The following PCDHA1 variants were observed in gnomAD, a reference collection of about 807,000 sequenced individuals.
PCDHA1 encodes protocadherin alpha-1.
Under a neutral mutation model 61.3 loss-of-function variants are expected in PCDHA1, and 42 were observed. That is an observed-to-expected ratio of 0.69 (90% CI 0.54 to 0.89). The LOEUF is 0.89. Ranked by LOEUF, PCDHA1 falls within the 40% of genes least tolerant of loss-of-function variation. PCDHA1 has a pLI of 0.00. For missense variants in PCDHA1, 1,256 were observed against 1,235.3 expected (o/e 1.02, Z -0.25); for synonymous variants, 610 against 553.8 (o/e 1.10, Z -1.43).
At chr5:140,810,154 T>C (rs1764605759) in intron 1 of PCDHA1, 1 of 152,414 alleles carries the variant, frequency 6.6e-6, no homozygotes, top group South Asian at 2.1e-4. Flanking sequence ...TATGAAATTA[T>C]CCATGTTGTT....
At chr5:140,875,684 A>T (rs1236163720) in intron 1 of PCDHA1, 1 of 1,613,854 alleles carries the variant, frequency 6.2e-7, no homozygotes, top group Non-Finnish European at 8.5e-7. Flanking sequence ...TCCAAAAGAC[A>T]CGGGGACCTT....
In PCDHA1 at chr5:140,957,392, T is replaced by A. The variant is rs1035836709; in HGVS notation, c.2395-21557T>A. Among the ~76,000 whole-genome samples the A allele has an allele frequency of 2.6e-5, 4 of 152,222 alleles. No individual in the cohort carries two copies. In the East Asian group the frequency reaches 5.8e-4, roughly 22 times the overall value. ...TTATTATAGTGTATTGTTATAATTG[T>A]CCTAATTTATTATTATTGTTGTTAA... is the stretch of plus-strand genomic sequence containing the variant. On this transcript the variant is annotated intron_variant, in intron 1 of 3. Coordinates refer to ENST00000504120, the MANE Select transcript of PCDHA1 (RefSeq NM_018900.4).
intron 1 of PCDHA1, among the ~76,000 whole-genome samples, chr5:140,915,885 G>A (rs1487160672): frequency 6.6e-6 from 1 of 152,204 alleles, no homozygotes; most frequent in Admixed American, 6.5e-5. Context: ...AGGGTAGCAA[G>A]TTCCCCCTGG....
intron 1 of PCDHA1, chr5:140,967,579 C>T: frequency 7.4e-6 from 12 of 1,614,154 alleles, no homozygotes; most frequent in Non-Finnish European, 9.3e-6. Context: ...AGGACTCACC[C>T]CCAGGCACAT....
At position 140,808,742 on chromosome 5, in the gene PCDHA1, G is replaced by A. The variant is rs782024587; in HGVS notation, c.2394+20058G>A. 3.7e-6 allele frequency: 6 copies of A among 1,612,130 alleles called. No homozygotes were observed. In the South Asian group the frequency reaches 6.6e-5, roughly 18 times the overall value. ...GCATGCGGAGAGCGGCAAGGTGTAC[G>A]CGCTGCAGCCGCTGGACCACGAGGA... is the stretch of plus-strand genomic sequence containing the variant. On this transcript the variant is annotated intron_variant, in intron 1 of 3. Coordinates refer to ENST00000504120, the MANE Select transcript of PCDHA1 (RefSeq NM_018900.4).
intron 3 of PCDHA1, among the ~76,000 whole-genome samples, chr5:141,000,919 A>AT (rs2097975024): frequency 6.6e-6 from 1 of 152,134 alleles, no homozygotes; most frequent in Non-Finnish European, 1.5e-5. Flanking sequence ...AAAAAAAAAA[A>AT]TCCTGTGTGA....
At chr5:140,940,110 T>C (rs2092554073) in intron 1 of PCDHA1, among the ~76,000 whole-genome samples, 1 of 152,240 alleles carries the variant, frequency 6.6e-6, no homozygotes, top group Admixed American at 6.5e-5. Context: ...CGTTATGTAT[T>C]ATTTACCTCT....
chr5:140,869,240 G>A (rs1262436049), intron 1 of PCDHA1: 1 of 1,613,514 alleles, frequency 6.2e-7, no homozygotes, highest in African/African-American at 1.3e-5. Context: ...ACCTTCGTGG[G>A]CCGCATCGCG....
chr5:140,862,867 C>A (rs1562571529), intron 1 of PCDHA1: 4 of 70,810 alleles, frequency 5.6e-5, no homozygotes, highest in Non-Finnish European at 9.2e-5. Context: ...TGTGACGCTG[C>A]CAGGTATTAG....
At chr5:140,910,959 A>C (rs1188143214) in intron 1 of PCDHA1, among the ~76,000 whole-genome samples, 1 of 151,944 alleles carries the variant, frequency 6.6e-6, no homozygotes, top group African/African-American at 2.4e-5. Flanking sequence ...CGAGTGTAGC[A>C]CACCTCCTCA....
chr5:140,883,394 G>T, intron 1 of PCDHA1: 2 of 1,614,124 alleles, frequency 1.2e-6, no homozygotes, highest in South Asian at 2.2e-5. Context: ...CAGTGTGTCC[G>T]ATCGTGACTC....
intron 1 of PCDHA1, chr5:140,864,329 T>C (rs1381036358): frequency 1.3e-5 from 2 of 152,196 alleles, no homozygotes; most frequent in Non-Finnish European, 2.9e-5. Flanking sequence ...ATCATAATTA[T>C]TTGAGTTTAA....
At chr5:140,835,493 A>G in intron 1 of PCDHA1, 1 of 1,613,914 alleles carries the variant, frequency 6.2e-7, no homozygotes, top group Admixed American at 1.7e-5. Context: ...CCGTCATCAC[A>G]TTGATTAGCG....
At position 141,010,718 on chromosome 5, in the gene PCDHA1, T is replaced by C. The variant is rs2154002137; in HGVS notation, c.*781T>C. Reference sequence around the variant, plus strand: ...TTTCCTATACATGTCCTGTGCTCACTTTATTAAAAATTCTTTTGCACACAA... The same window carrying C: ...TTTCCTATACATGTCCTGTGCTCACCTTATTAAAAATTCTTTTGCACACAA... On this transcript the variant is annotated 3_prime_UTR_variant, in exon 4 of 4. Coordinates refer to ENST00000504120, the MANE Select transcript of PCDHA1 (RefSeq NM_018900.4). The C allele has an allele frequency of 6.5e-6, 1 of 154,542 alleles. No homozygotes were observed. The highest frequency in any genetic ancestry group is 1.9e-4 in the East Asian group (1 of 5,208). 9.6% of individuals were successfully genotyped at this position (154,542 alleles called of 1,614,324 possible). A position where few individuals can be genotyped will look rare whatever the true frequency, so the allele number is the denominator to read the frequency against.
At chr5:140,913,523 T>G (rs2076374733) in intron 1 of PCDHA1, among the ~76,000 whole-genome samples, 2 of 152,156 alleles carry the variant, frequency 1.3e-5, no homozygotes, top group Admixed American at 6.5e-5. Context: ...TATTTATCTT[T>G]TCAAAAGATT....
At chr5:140,843,763 G>T in intron 1 of PCDHA1, 1 of 1,492,614 alleles carries the variant, frequency 6.7e-7, no homozygotes, top group Non-Finnish European at 9.2e-7. Flanking sequence ...TGTGGAAATT[G>T]TAGTTACTTT....
chr5:140,928,778 C>G (rs564618368), intron 1 of PCDHA1: 3 of 1,614,136 alleles, frequency 1.9e-6, no homozygotes, highest in East Asian at 4.5e-5. Context: ...CCCACTGATG[C>G]AGTTAAGCAG....
At chr5:140,801,810 A>T (rs781955396) in intron 1 of PCDHA1, 8 of 1,614,012 alleles carry the variant, frequency 5.0e-6, no homozygotes, top group Non-Finnish European at 3.4e-6. Context: ...TCGAGAGGAC[A>T]CTCCTAAGCA....
intron 1 of PCDHA1, chr5:140,860,306 G>T (rs991442000): frequency 6.6e-6 from 1 of 152,016 alleles, no homozygotes; most frequent in Non-Finnish European, 1.5e-5. Context: ...GCTTGAGCCT[G>T]GGAAGTTGAG....
Sources: allele counts gnomAD v4.1 joint callset (sites outside exome capture counted in the v4.1 genomes callset), GRCh38; gene constraint gnomAD v4.1.1; transcripts MANE v1.5; gene names NCBI Gene and HGNC (gene_info 2026-07-23, HGNC 2026-07-21).